The following KAT6B variants were observed in gnomAD, a reference collection of about 807,000 sequenced individuals.
KAT6B encodes lysine acetyltransferase 6B.
A neutral mutation model predicts 187.5 loss-of-function variants in KAT6B; 10 were observed. That is an observed-to-expected ratio of 0.05 (90% CI 0.03 to 0.09). The LOEUF (loss-of-function observed/expected upper bound fraction) is 0.09, where lower values mean the gene tolerates loss of function less well. Ranked by LOEUF, KAT6B falls within the 10% of genes least tolerant of loss-of-function variation. The probability of loss-of-function intolerance (pLI) is 1.00; values close to 1 mark genes in which losing one functional copy is unlikely to be tolerated. For synonymous variants in KAT6B, 861 were observed against 926.8 expected (o/e 0.93, Z 1.29); for missense variants, 1,952 against 2,558.9 (o/e 0.76, Z 5.12).
intron 3 of KAT6B, among the ~76,000 whole-genome samples, chr10:74,901,668 G>A (rs1846403675): frequency 6.6e-6 from 1 of 152,118 alleles, no homozygotes; most frequent in South Asian, 2.1e-4. Flanking sequence ...TGGAGATAGT[G>A]TCGCTAATAG....
intron 3 of KAT6B, among the ~76,000 whole-genome samples, chr10:74,921,450 G>T (rs560255708): frequency 8.9e-4 from 135 of 152,240 alleles, no homozygotes; most frequent in African/African-American, 3.2e-3. Context: ...TTTTAAACTT[G>T]TAGCTCCTGA....
chr10:74,844,357 C>G (rs1235994484), intron 3 of KAT6B, among the ~76,000 whole-genome samples: 2 of 152,186 alleles, frequency 1.3e-5, no homozygotes, highest in African/African-American at 4.8e-5. Context: ...TGCCACCATG[C>G]CCAGCTAATT....
chr10:74,976,365 G>A (rs745459838), intron 8 of KAT6B, 35 bp downstream of exon 8: 15 of 1,562,460 alleles, frequency 9.6e-6, no homozygotes, highest in South Asian at 2.2e-5. Context: ...CCAAACCTGC[G>A]TCCCGTCCCT....
intron 13 of KAT6B, among the ~76,000 whole-genome samples, chr10:75,008,137 C>T (rs886882121): frequency 2.0e-5 from 3 of 152,042 alleles, no homozygotes; most frequent in Admixed American, 6.5e-5. Context: ...ATGGAGGATT[C>T]GGACAAGGAA....
intron 3 of KAT6B, among the ~76,000 whole-genome samples, chr10:74,900,489 T>C (rs1395398612): frequency 2.2e-4 from 34 of 152,234 alleles, no homozygotes; most frequent in Admixed American, 1.4e-3. Context: ...TGGCTGCCCA[T>C]ACCTTCTGCC....
At chr10:74,830,764 ATATATTTTTTTTTTTTTTTTTTTTTTT>A (rs935283448) in intron 1 of KAT6B, among the ~76,000 whole-genome samples, 1 of 26,946 alleles carries the variant, frequency 3.7e-5, no homozygotes, top group African/African-American at 3.0e-4. Context: ...ATATATATAT[ATATATTTTTTTTTTTTTTTTTTTTTTT>A]TTTTTTTTTT....
chr10:74,968,192 T>G (rs1003652056), intron 4 of KAT6B, among the ~76,000 whole-genome samples: 1 of 152,188 alleles, frequency 6.6e-6, no homozygotes, highest in Admixed American at 6.5e-5. Context: ...TTGCCGTTCC[T>G]GAGCAGAAAG....
chr10:74,954,397 G>A lies in KAT6B; in HGVS notation c.622-5573G>A, dbSNP rs540254717. 6.6e-5 allele frequency among the ~76,000 whole-genome samples: 10 copies of A among 152,192 alleles called. No individual in the cohort carries two copies. In the South Asian group the frequency reaches 2.1e-3, roughly 32 times the overall value. Reference sequence around the variant, plus strand: ...TTGAAAAGAGTTCTGGAGATAAATGGTGGTAATGGTTGCACAGTATTGTGA... The same window carrying A: ...TTGAAAAGAGTTCTGGAGATAAATGATGGTAATGGTTGCACAGTATTGTGA... On this transcript the variant is annotated intron_variant, in intron 3 of 17. Coordinates refer to ENST00000287239, the MANE Select transcript of KAT6B (RefSeq NM_012330.4).
chr10:74,921,741 C>G (rs1362010863), intron 3 of KAT6B, among the ~76,000 whole-genome samples: 1 of 152,234 alleles, frequency 6.6e-6, no homozygotes, highest in Non-Finnish European at 1.5e-5. Context: ...TGGCAATTTT[C>G]TAGTGGCTGC....
At chr10:74,876,688 C>T (rs1187527365) in intron 3 of KAT6B, among the ~76,000 whole-genome samples, 2 of 151,770 alleles carry the variant, frequency 1.3e-5, no homozygotes, top group African/African-American at 2.4e-5. Flanking sequence ...CCGAGGTGGT[C>T]GGATCACCTG....
chr10:74,925,172 C>G (rs997359938), intron 3 of KAT6B, among the ~76,000 whole-genome samples: 2 of 152,130 alleles, frequency 1.3e-5, no homozygotes, highest in Non-Finnish European at 2.9e-5. Flanking sequence ...TCCCAATTAG[C>G]TGGGATTACA....
chr10:75,030,459 A>G lies in KAT6B; in HGVS notation c.5635A>G (p.Thr1879Ala), dbSNP rs1846226276. 6.2e-7 allele frequency: 1 copy of G among 1,613,404 alleles called. No individual in the cohort carries two copies. The highest frequency in any genetic ancestry group is 1.3e-5 in the African/African-American group (1 of 74,834). ...GGGACCCCAAGCACAAGCTACCATG[A>G]CCCCACCCCCCAACCTGACTCCTCC... is the stretch of plus-strand genomic sequence containing the variant. The part of the protein sequence containing the change: ...PGGPQAQATM[T>A]PPPNLTPPPM... The change falls in exon 18 of 18, where the codon ACC (threonine) becomes GCC (alanine). Residue 1879 changes from threonine to alanine, a missense_variant. Thr to Ala is a moderately conservative substitution (Grantham distance 58). Around this residue, in one of 9 missense-constraint regions of KAT6B, gnomAD observed 358 missense variants for 436.3 expected, o/e 0.82. Coordinates refer to ENST00000287239, the MANE Select transcript of KAT6B (RefSeq NM_012330.4). This position sits in a 1 kb window ranked among gnomAD's most constrained non-coding sequence, Gnocchi z 4.8.
intron 3 of KAT6B, among the ~76,000 whole-genome samples, chr10:74,956,223 C>G (rs915139190): frequency 6.6e-6 from 1 of 152,120 alleles, no homozygotes; most frequent in Admixed American, 6.5e-5. Context: ...TTGGATTTGC[C>G]TGATTGTTTC....
chr10:75,004,577 G>C (rs1844074841), intron 13 of KAT6B, among the ~76,000 whole-genome samples: 1 of 152,210 alleles, frequency 6.6e-6, no homozygotes, highest in Non-Finnish European at 1.5e-5. Context: ...TAGAGGGTCA[G>C]ACACAAAATT....
chr10:74,893,052 C>A (rs533035115), intron 3 of KAT6B, among the ~76,000 whole-genome samples: 1 of 152,302 alleles, frequency 6.6e-6, no homozygotes, highest in African/African-American at 2.4e-5. Context: ...CAGGGCTAGG[C>A]CCGCAGCAGA....
At chr10:74,966,383 A>G (rs1841471267) in intron 4 of KAT6B, among the ~76,000 whole-genome samples, 1 of 152,218 alleles carries the variant, frequency 6.6e-6, no homozygotes, top group Non-Finnish European at 1.5e-5. Flanking sequence ...TACAACAGGT[A>G]TAGTATGTTT....
At chr10:75,000,546 C>T (rs532514831) in intron 13 of KAT6B, among the ~76,000 whole-genome samples, 2 of 152,084 alleles carry the variant, frequency 1.3e-5, no homozygotes, top group African/African-American at 2.4e-5. Flanking sequence ...TAAAGGACAG[C>T]TGGATCCAAG....
At position 75,025,243 on chromosome 10, in the gene KAT6B, T is replaced by C; in HGVS notation, c.3658T>C (p.Cys1220Arg). ...DNHCFKNADP[C>R]RNNMNDDSSN... Reference sequence around the variant, plus strand: ...TCATTGCTTCAAGAATGCTGACCCTTGTAGAAGTAAGTAGAGGAATGATAA... The same window carrying C: ...TCATTGCTTCAAGAATGCTGACCCTCGTAGAAGTAAGTAGAGGAATGATAA... The change falls in exon 17 of 18, where the codon TGT becomes CGT. Residue 1220 changes from cysteine (C) to arginine (R), a missense_variant. By Grantham distance (180) the Cys-to-Arg change is radical. Around this residue, in one of 9 missense-constraint regions of KAT6B, gnomAD observed 758 missense variants for 891.4 expected, o/e 0.85. Transcript: ENST00000287239. 6.2e-7 allele frequency: 1 copy of C among 1,614,026 alleles called. No homozygotes were observed.
At chr10:74,898,505 G>A (rs1437257142) in intron 3 of KAT6B, among the ~76,000 whole-genome samples, 5 of 151,748 alleles carry the variant, frequency 3.3e-5, no homozygotes, top group Admixed American at 2.6e-4. Context: ...AGGCTGGAGC[G>A]CAGTGGCTGA....
Sources: gnomAD v4.1 joint callset for allele counts (sites outside exome capture counted in the v4.1 genomes callset) on GRCh38, gnomAD v4.1.1 for gene constraint, gnomAD v4.1.1 regional missense constraint, Gnocchi (gnomAD v3.1) non-coding constraint, MANE v1.5 for transcripts, NCBI Gene and HGNC (gene_info 2026-07-23, HGNC 2026-07-21) for gene names.